GRM5: variants seen among roughly 807,000 people sequenced by gnomAD.
GRM5 encodes the protein glutamate metabotropic receptor 5, also known as metabotropic glutamate receptor 5.
A neutral mutation model predicts 83.1 loss-of-function variants in GRM5; 19 were observed. That is an observed-to-expected ratio of 0.23 (90% CI 0.16 to 0.34). GRM5 has a LOEUF of 0.34. Among genes scored for constraint, GRM5 ranks in the 10% least tolerant of loss-of-function variants. The probability of loss-of-function intolerance (pLI) is 1.00; values close to 1 mark genes in which losing one functional copy is unlikely to be tolerated. For missense variants in GRM5, 1,160 were observed against 1,588.3 expected, an observed-to-expected ratio of 0.73 and a Z score of 4.58; for synonymous variants, 675 against 633.6, an observed-to-expected ratio of 1.07 and a Z score of -0.98.
At chr11:88,627,424 T>G (rs1938832516) in intron 4 of GRM5, among the ~76,000 whole-genome samples, 1 of 152,188 alleles carries the variant, frequency 6.6e-6, no homozygotes, top group South Asian at 2.1e-4. Flanking sequence ...AGTTACTATC[T>G]GAAAGATGCA....
At chr11:88,990,106 G>A (rs1382640172) in intron 2 of GRM5, among the ~76,000 whole-genome samples, 1 of 147,566 alleles carries the variant, frequency 6.8e-6, no homozygotes, top group Admixed American at 6.8e-5. Flanking sequence ...AAAATTGATA[G>A]ACTGCTAGCA....
intron 8 of GRM5, among the ~76,000 whole-genome samples, chr11:88,528,014 TGC>T (rs1941921258): frequency 6.6e-6 from 1 of 151,982 alleles, no homozygotes; most frequent in African/African-American, 2.4e-5. Flanking sequence ...TGAAATAATC[TGC>T]ATATTATACC....
At chr11:88,583,464 G>GT (rs1316199876) in intron 7 of GRM5, among the ~76,000 whole-genome samples, 1 of 152,202 alleles carries the variant, frequency 6.6e-6, no homozygotes, top group Non-Finnish European at 1.5e-5. Context: ...TTGGACTTAC[G>GT]TAAGATACAT....
At chr11:88,933,662 A>G (rs1289130797) in intron 2 of GRM5, among the ~76,000 whole-genome samples, 1 of 151,850 alleles carries the variant, frequency 6.6e-6, no homozygotes, top group Non-Finnish European at 1.5e-5. Flanking sequence ...GCATAAGTCA[A>G]CTTTTACTAT....
chr11:88,685,939 A>T (rs1438590774), intron 3 of GRM5, among the ~76,000 whole-genome samples: 3 of 152,154 alleles, frequency 2.0e-5, no homozygotes, highest in Admixed American at 6.5e-5. Context: ...TGCAGAAGAG[A>T]AATTTGGGGT....
chr11:88,517,154 C>A (rs1006942889), intron 9 of GRM5, among the ~76,000 whole-genome samples: 4 of 151,714 alleles, frequency 2.6e-5, no homozygotes, highest in African/African-American at 7.3e-5. Flanking sequence ...CACACACACA[C>A]ACACACACGT....
chr11:88,771,379 T>G (rs903742935), intron 3 of GRM5, among the ~76,000 whole-genome samples: 1 of 152,082 alleles, frequency 6.6e-6, no homozygotes, highest in Non-Finnish European at 1.5e-5. Flanking sequence ...AAACTGACAA[T>G]GGAGCCTTCA....
intron 9 of GRM5, among the ~76,000 whole-genome samples, chr11:88,514,638 T>C (rs1402671715): frequency 6.6e-6 from 1 of 151,866 alleles, no homozygotes; most frequent in Non-Finnish European, 1.5e-5. Flanking sequence ...AAAATGAGGA[T>C]GGAAAGGAAT....
intron 3 of GRM5, among the ~76,000 whole-genome samples, chr11:88,797,859 T>G (rs11021350): frequency 0.025 from 3,832 of 151,952 alleles, 166 homozygotes; most frequent in African/African-American, 0.088. Flanking sequence ...TCTTGATCTC[T>G]TCCTCTCTCT....
At chr11:88,791,013 A>G (rs1191007963) in intron 3 of GRM5, among the ~76,000 whole-genome samples, 2 of 152,226 alleles carry the variant, frequency 1.3e-5, no homozygotes, top group Non-Finnish European at 2.9e-5. Flanking sequence ...GAAACAGAAA[A>G]TACTAGACAA....
In GRM5 at chr11:88,567,892, A is replaced by G; in HGVS notation, c.1791T>C (p.Val597=). The G allele has an allele frequency of 6.2e-7, 1 of 1,613,924 alleles. No individual in the cohort carries two copies. Among genetic ancestry groups the G allele is most frequent in the Non-Finnish European group, 8.5e-7 (1 of 1,179,802 alleles). The change falls in exon 8 of 10, where the codon GTT becomes GTC. Residue 597 remains valine, a synonymous_variant. Coordinates refer to ENST00000305447, the MANE Select transcript of GRM5 (RefSeq NM_001143831.3). The surrounding 1 kb of genome is among the most constrained non-coding windows in gnomAD (Gnocchi z 7.3). ...CACGGTAAATGATGAAGACTACAGT[A>G]ACAAACAGGGTGGCCAGGAGGCCAA... is the stretch of plus-strand genomic sequence containing the variant. ...ACLGLLATLF[V]TVVFIIYRDT...
intron 3 of GRM5, among the ~76,000 whole-genome samples, chr11:88,677,975 G>A (rs1341179834): frequency 6.6e-6 from 1 of 151,858 alleles, no homozygotes; most frequent in Non-Finnish European, 1.5e-5. Flanking sequence ...AGATAGTATT[G>A]AAAATTGACT....
chr11:88,645,801 A>C (rs1366979382), intron 4 of GRM5, among the ~76,000 whole-genome samples: 1 of 152,132 alleles, frequency 6.6e-6, no homozygotes, highest in African/African-American at 2.4e-5. Context: ...ATGTGAATTC[A>C]GGTAACAATG....
chr11:88,965,369 G>A (rs941985685), intron 2 of GRM5, among the ~76,000 whole-genome samples: 1 of 151,904 alleles, frequency 6.6e-6, no homozygotes, highest in Non-Finnish European at 1.5e-5. Context: ...TTCTTCTAAG[G>A]GCACTAATTC....
At chr11:88,645,861 ATTTTGTCACCAG>A (rs1487595001) in intron 4 of GRM5, among the ~76,000 whole-genome samples, 1 of 152,084 alleles carries the variant, frequency 6.6e-6, no homozygotes, top group African/African-American at 2.4e-5. Flanking sequence ...AATGAACACT[ATTTTGTCACCAG>A]TTGGCTATGC....
chr11:88,570,908 A>G (rs1942985587), intron 7 of GRM5, among the ~76,000 whole-genome samples: 1 of 151,930 alleles, frequency 6.6e-6, no homozygotes, highest in South Asian at 2.1e-4. Context: ...ATTTATAGCA[A>G]TGATTTGACA....
intron 2 of GRM5, among the ~76,000 whole-genome samples, chr11:88,985,674 A>G (rs1939682666): frequency 6.6e-6 from 1 of 152,198 alleles, no homozygotes; most frequent in South Asian, 2.1e-4. Context: ...TGGTGTCCCC[A>G]AGACACTTTC....
intron 3 of GRM5, among the ~76,000 whole-genome samples, chr11:88,725,225 T>C (rs1237680799): frequency 6.6e-6 from 1 of 152,108 alleles, no homozygotes; most frequent in Non-Finnish European, 1.5e-5. Context: ...TTATCAAGGC[T>C]TGAGTAGGTG....
chr11:89,053,824 G>A (rs1328895713), intron 1 of GRM5, among the ~76,000 whole-genome samples: 1 of 152,318 alleles, frequency 6.6e-6, no homozygotes, highest in Non-Finnish European at 1.5e-5. Flanking sequence ...AATGAGTCAT[G>A]CAGATCTCTA....
Sources: allele counts gnomAD v4.1 joint callset (sites outside exome capture counted in the v4.1 genomes callset), GRCh38; gene constraint gnomAD v4.1.1; non-coding constraint Gnocchi (gnomAD v3.1); transcripts MANE v1.5; gene names NCBI Gene and HGNC (gene_info 2026-07-23, HGNC 2026-07-21).